RGS5: variants seen among roughly 807,000 people sequenced by gnomAD.
The protein encoded by RGS5 is regulator of G-protein signalling 5.
In RGS5, 20 loss-of-function variants were observed where a neutral mutation model predicts 18.9. That is an observed-to-expected ratio of 1.06 (90% CI 0.74 to 1.54). The LOEUF is 1.54. Among genes scored for constraint, RGS5 ranks in the 40% most tolerant of loss-of-function variants. The pLI is 0.00. For missense variants in RGS5, 201 were observed against 211.8 expected (o/e 0.95, Z 0.32); for synonymous variants, 57 against 76.2 (o/e 0.75, Z 1.31).
intron 1 of RGS5, among the ~76,000 whole-genome samples, chr1:163,199,452 A>G (rs961621024): frequency 2.0e-5 from 3 of 152,186 alleles, no homozygotes; most frequent in Non-Finnish European, 4.4e-5. Context: ...ATGTCATGGA[A>G]AAGTTAATCT....
At chr1:163,279,685 A>G (rs905243553) in intron 2 of RGS5, among the ~76,000 whole-genome samples, 1 of 151,972 alleles carries the variant, frequency 6.6e-6, no homozygotes, top group African/African-American at 2.4e-5. Flanking sequence ...TAAACAAAAC[A>G]GGGACTTTAA....
intron 3 of RGS5, among the ~76,000 whole-genome samples, chr1:163,160,852 G>T (rs1274383589): frequency 1.3e-5 from 2 of 152,084 alleles, no homozygotes; most frequent in Non-Finnish European, 2.9e-5. Flanking sequence ...TACTTTTAGA[G>T]TGAATTATTC....
At chr1:163,194,408 A>C (rs7556112) in intron 1 of RGS5, among the ~76,000 whole-genome samples, 22,915 of 152,172 alleles carry the variant, frequency 0.15, 1,774 homozygotes, top group South Asian at 0.26. Flanking sequence ...ATTTTCTCAA[A>C]ATACATGGTG....
chr1:163,306,734 T>G (rs575065695), intron 1 of RGS5, among the ~76,000 whole-genome samples: 16 of 152,126 alleles, frequency 1.1e-4, no homozygotes, highest in African/African-American at 2.9e-4. Context: ...AAAAGGAAAT[T>G]TGGACACAAA....
At chr1:163,320,736 C>T (rs1349739036) in intron 1 of RGS5, among the ~76,000 whole-genome samples, 1 of 152,052 alleles carries the variant, frequency 6.6e-6, no homozygotes, top group South Asian at 2.1e-4. Flanking sequence ...AGTAAATAGA[C>T]ATTGAAAGGA....
chr1:163,208,265 G>A (rs1404633903), intron 1 of RGS5, among the ~76,000 whole-genome samples: 4 of 34,926 alleles, frequency 1.1e-4, no homozygotes, highest in Admixed American at 2.9e-4. Flanking sequence ...GGAGAATGGC[G>A]TGAACCCGGG....
intron 1 of RGS5, among the ~76,000 whole-genome samples, chr1:163,192,580 T>C (rs1266972007): frequency 1.3e-5 from 2 of 152,248 alleles, no homozygotes. Flanking sequence ...CACTTTCAGT[T>C]TGTGTGCACA....
intron 1 of RGS5, among the ~76,000 whole-genome samples, chr1:163,215,332 T>G (rs1022087815): frequency 1.3e-5 from 2 of 152,208 alleles, no homozygotes; most frequent in Non-Finnish European, 2.9e-5. Flanking sequence ...CTATGTGACC[T>G]TAGGCAAGTT....
chr1:163,300,250 C>T (rs1195436419), intron 2 of RGS5: 1 of 152,228 alleles, frequency 6.6e-6, no homozygotes, highest in Non-Finnish European at 1.5e-5. Context: ...TCACCTCAGT[C>T]TCACTGGGAC....
chr1:163,275,963 G>T (rs1270909977), intron 2 of RGS5, among the ~76,000 whole-genome samples: 1 of 152,012 alleles, frequency 6.6e-6, no homozygotes, highest in Non-Finnish European at 1.5e-5. Flanking sequence ...TAAATAGCTC[G>T]TAAAATAAGA....
upstream of RGS5, chr1:163,206,711 G>T (rs1659963317): frequency 6.6e-6 from 1 of 151,790 alleles, no homozygotes; most frequent in Non-Finnish European, 1.5e-5. Flanking sequence ...CAGCAACAAG[G>T]CACCATCTTG....
At chr1:163,225,132 G>GT (rs1035746614) in intron 2 of RGS5, among the ~76,000 whole-genome samples, 2 of 152,012 alleles carry the variant, frequency 1.3e-5, no homozygotes, top group South Asian at 2.1e-4. Flanking sequence ...TTTCCCCTGT[G>GT]TTTTTTTCCT....
upstream of RGS5, among the ~76,000 whole-genome samples, chr1:163,219,417 G>C (rs1660288757): frequency 6.6e-6 from 1 of 152,110 alleles, no homozygotes; most frequent in South Asian, 2.1e-4. Context: ...GCATCTTGTA[G>C]TTCTTTCATT....
chr1:163,180,697 T>G (rs866686515), intron 1 of RGS5, among the ~76,000 whole-genome samples: 18 of 118,870 alleles, frequency 1.5e-4, no homozygotes, highest in South Asian at 1.0e-3. Context: ...TTTTTTTTTT[T>G]TTTTTTTTTT....
chr1:163,169,100 A>T (rs1306153570), intron 1 of RGS5, among the ~76,000 whole-genome samples: 1 of 148,042 alleles, frequency 6.8e-6, no homozygotes, highest in Non-Finnish European at 1.5e-5. Flanking sequence ...CCTATGAGTG[A>T]GAACATGTGC....
intron 2 of RGS5, among the ~76,000 whole-genome samples, chr1:163,227,861 G>A (rs1016310632): frequency 2.6e-5 from 4 of 152,172 alleles, no homozygotes; most frequent in Non-Finnish European, 4.4e-5. Context: ...ATGTAAGTCC[G>A]AAATCCAATA....
At chr1:163,317,485 T>G (rs1650058767) in intron 1 of RGS5, among the ~76,000 whole-genome samples, 1 of 152,226 alleles carries the variant, frequency 6.6e-6, no homozygotes, top group Non-Finnish European at 1.5e-5. Context: ...CAGTATAAAC[T>G]GCCATCTTTC....
At chr1:163,253,327 G>C (rs1447626052) in intron 2 of RGS5, among the ~76,000 whole-genome samples, 2 of 151,948 alleles carry the variant, frequency 1.3e-5, no homozygotes, top group East Asian at 3.9e-4. Context: ...CATTTTTCTT[G>C]AGACAGAGTC....
intron 1 of RGS5, among the ~76,000 whole-genome samples, chr1:163,170,201 T>G (rs1045550593): frequency 6.6e-6 from 1 of 152,224 alleles, no homozygotes. Context: ...GTTCATCATA[T>G]TGCATTATGG....
Sources: gnomAD v4.1 joint callset for allele counts (sites outside exome capture counted in the v4.1 genomes callset) on GRCh38, gnomAD v4.1.1 for gene constraint, MANE v1.5 for transcripts, NCBI Gene and HGNC (gene_info 2026-07-23, HGNC 2026-07-21) for gene names.